ADGRL2: variants seen among roughly 807,000 people sequenced by gnomAD.
ADGRL2 encodes adhesion G protein-coupled receptor L2.
Under a neutral mutation model 157.4 loss-of-function variants are expected in ADGRL2, and 44 were observed. The observed-to-expected ratio is 0.28, with a 90% confidence interval of 0.22 to 0.36. The LOEUF is 0.36. Ranked by LOEUF, ADGRL2 falls within the 10% of genes least tolerant of loss-of-function variation. ADGRL2 has a pLI of 1.00. For synonymous variants in ADGRL2, 585 were observed against 624.7 expected (o/e 0.94, Z 0.95); for missense variants, 1,510 against 1,768.9 (o/e 0.85, Z 2.63).
chr1:81,775,186 A>T (rs974617246), intron 2 of ADGRL2, among the ~76,000 whole-genome samples: 2 of 152,190 alleles, frequency 1.3e-5, no homozygotes, highest in African/African-American at 4.8e-5. Flanking sequence ...ATTTATGCTT[A>T]TCATTTAATA....
chr1:81,329,992 A>G (rs1228105434), intron 1 of ADGRL2, among the ~76,000 whole-genome samples: 1 of 152,162 alleles, frequency 6.6e-6, no homozygotes, highest in Non-Finnish European at 1.5e-5. Context: ...ATTTGAGTAA[A>G]GGTGAAATAG....
At chr1:81,652,764 T>C (rs2082447105) in intron 3 of ADGRL2, among the ~76,000 whole-genome samples, 1 of 152,146 alleles carries the variant, frequency 6.6e-6, no homozygotes, top group African/African-American at 2.4e-5. Context: ...CAGGGCACCC[T>C]ACAAGCTTCC....
chr1:81,366,750 A>G (rs1023153903), intron 1 of ADGRL2, among the ~76,000 whole-genome samples: 5 of 152,128 alleles, frequency 3.3e-5, no homozygotes, highest in African/African-American at 1.2e-4. Flanking sequence ...TAAATTCTCT[A>G]ATGAATTTTA....
At chr1:81,677,196 G>C (rs1444861882) in intron 3 of ADGRL2, among the ~76,000 whole-genome samples, 1 of 151,602 alleles carries the variant, frequency 6.6e-6, no homozygotes, top group South Asian at 2.1e-4. Context: ...CATTGTCCAG[G>C]CGGGTTTCAA....
At chr1:81,562,360 C>A (rs898283788) in intron 2 of ADGRL2, among the ~76,000 whole-genome samples, 17 of 152,250 alleles carry the variant, frequency 1.1e-4, no homozygotes, top group African/African-American at 3.4e-4. Flanking sequence ...ACACCACCCA[C>A]CCATATTTTC....
chr1:81,727,137 G>A (rs2084558033), intron 1 of ADGRL2, among the ~76,000 whole-genome samples: 1 of 152,134 alleles, frequency 6.6e-6, no homozygotes, highest in African/African-American at 2.4e-5. Flanking sequence ...ATTCAACCAA[G>A]TTTCCAAGAC....
upstream of ADGRL2, among the ~76,000 whole-genome samples, chr1:81,800,197 TCAAAAA>T (rs1400652084): frequency 2.0e-5 from 3 of 152,094 alleles, no homozygotes; most frequent in Non-Finnish European, 4.4e-5. Context: ...GTGAGTTTAA[TCAAAAA>T]CAAACAAAAC....
Position 81,990,886 on chromosome 1 carries a change from G to T in ADGRL2, c.4151G>T (p.Ser1384Ile). Residue 1384 changes from serine to isoleucine, a missense_variant, in exon 24 of 24, where the codon AGC becomes ATC. This residue lies in a region of ADGRL2 where 327 missense variants were observed against 310.1 expected (regional missense o/e 1.05). Transcript: ENST00000686636. Reference protein sequence around the residue: ...QSPNRDSLYTSMPNLRDSPYP... With the variant: ...QSPNRDSLYTIMPNLRDSPYP... Reference sequence around the variant, plus strand: ...CCCAACAGAGACTCTCTTTATACAAGCATGCCCAATCTTAGAGACTCTCCC... The same window carrying T: ...CCCAACAGAGACTCTCTTTATACAATCATGCCCAATCTTAGAGACTCTCCC... The T allele has an allele frequency of 6.2e-7, 1 of 1,614,060 alleles. No homozygotes were observed. Among genetic ancestry groups the T allele is most frequent in the Non-Finnish European group, 8.5e-7 (1 of 1,180,004 alleles).
rs541611349 is a variant in ADGRL2, at chr1:81,720,206, G to A, written c.-143+20398G>A. On this transcript the variant is annotated intron_variant, in intron 1 of 20. Transcript: ENST00000359929. The stretch of plus-strand genomic sequence containing the variant: ...TTTCTTTTTTTTTTTTTTTTGAGAC[G>A]TAATCTTGCTCTGTCACCCTGGCTA... 1.0e-4 allele frequency among the ~76,000 whole-genome samples: 14 copies of A among 133,514 alleles called. No individual in the cohort carries two copies. The South Asian group carries it at 1.2e-3, about 12-fold the overall frequency. 87.6% of individuals were successfully genotyped at this position (133,514 alleles called of 152,430 possible).
chr1:81,986,881 G>T lies in ADGRL2; in HGVS notation c.3509-20G>T, dbSNP rs530653912. The T allele has an allele frequency of 3.0e-5, 36 of 1,196,308 alleles. No homozygotes were observed. Among genetic ancestry groups the T allele is most frequent in the South Asian group, 2.4e-4 (16 of 67,216 alleles). 74.1% of individuals were successfully genotyped at this position (1,196,308 alleles called of 1,614,324 possible). A position where few individuals can be genotyped will look rare whatever the true frequency, so the allele number is the denominator to read the frequency against. On this transcript the variant is annotated intron_variant, in intron 21 of 23. Coordinates refer to ENST00000686636, the MANE Select transcript of ADGRL2 (RefSeq NM_001366006.2). ...ATGTACTTTTCTCTGTTTTTTTGTT[G>T]TTTTTTTTTTTTACTTTAGGAATGA...
chr1:81,502,138 A>T, intron 2 of ADGRL2: 1 of 1,598,354 alleles, frequency 6.3e-7, no homozygotes. Context: ...AGGCTGCTTC[A>T]AAATATTTTC....
chr1:81,983,537 T>C (rs564753333), intron 19 of ADGRL2, among the ~76,000 whole-genome samples: 215 of 152,226 alleles, frequency 1.4e-3, no homozygotes, highest in South Asian at 4.6e-3. Context: ...TCATGGTCTT[T>C]ACAGGCAGTT....
At chr1:81,430,547 A>C (rs2101614544) in intron 1 of ADGRL2, among the ~76,000 whole-genome samples, 1 of 152,290 alleles carries the variant, frequency 6.6e-6, no homozygotes, top group African/African-American at 2.4e-5. Flanking sequence ...CTGGTGTAAA[A>C]GTTGCCAGGT....
intron 1 of ADGRL2, among the ~76,000 whole-genome samples, chr1:81,741,959 A>G (rs887349849): frequency 4.6e-5 from 7 of 151,996 alleles, no homozygotes; most frequent in Non-Finnish European, 8.8e-5. Flanking sequence ...TATAAAACAT[A>G]AGCTAACTGT....
intron 2 of ADGRL2, among the ~76,000 whole-genome samples, chr1:81,857,314 A>G (rs962260272): frequency 6.6e-6 from 1 of 152,180 alleles, no homozygotes; most frequent in East Asian, 1.9e-4. Flanking sequence ...ATACTGTGGT[A>G]TTTGTGGTTT....
intron 1 of ADGRL2, among the ~76,000 whole-genome samples, chr1:81,822,975 ATAAAT>A (rs138290651): frequency 0.017 from 2,550 of 152,230 alleles, 72 homozygotes; most frequent in African/African-American, 0.059. Context: ...TCAAACAATG[ATAAAT>A]TAAAACTTCC....
chr1:81,607,200 A>C (rs900955191), intron 3 of ADGRL2, among the ~76,000 whole-genome samples: 5 of 152,200 alleles, frequency 3.3e-5, no homozygotes, highest in Non-Finnish European at 7.3e-5. Flanking sequence ...ATGCTGATGT[A>C]AGTTTCCCTA....
chr1:81,375,337 G>A (rs902621742), intron 1 of ADGRL2, among the ~76,000 whole-genome samples: 1 of 152,166 alleles, frequency 6.6e-6, no homozygotes, highest in Non-Finnish European at 1.5e-5. Context: ...AGATGAAGTG[G>A]AGCGGTAAAG....
At chr1:81,401,246 A>G (rs2076749535) in intron 1 of ADGRL2, among the ~76,000 whole-genome samples, 1 of 152,078 alleles carries the variant, frequency 6.6e-6, no homozygotes, top group African/African-American at 2.4e-5. Context: ...GAGGGATGAG[A>G]CTGTTCTGGG....
Sources: gnomAD v4.1 joint callset for allele counts (sites outside exome capture counted in the v4.1 genomes callset) on GRCh38, gnomAD v4.1.1 for gene constraint, gnomAD v4.1.1 regional missense constraint, MANE v1.5 for transcripts, NCBI Gene and HGNC (gene_info 2026-07-23, HGNC 2026-07-21) for gene names.